The following VAPA variants were observed in gnomAD, a reference collection of about 807,000 sequenced individuals.
VAPA encodes the protein vesicle-associated membrane protein-associated protein A.
VAPA carries 6 observed loss-of-function variants against 25.6 expected under a neutral mutation model. That is an observed-to-expected ratio of 0.23 (90% CI 0.13 to 0.46). The LOEUF (loss-of-function observed/expected upper bound fraction) is 0.46, where lower values mean the gene tolerates loss of function less well. Among genes scored for constraint, VAPA ranks in the 20% least tolerant of loss-of-function variants. The pLI is 0.99. For synonymous variants in VAPA, 112 were observed against 106.2 expected, an observed-to-expected ratio of 1.05 and a Z score of -0.34; for missense variants, 244 against 302.1, an observed-to-expected ratio of 0.81 and a Z score of 1.43.
chr18:9,935,113 A>AC (rs2069295568), intron 2 of VAPA, among the ~76,000 whole-genome samples: 1 of 151,066 alleles, frequency 6.6e-6, no homozygotes, highest in Non-Finnish European at 1.5e-5. Context: ...AAAAAAAAAA[A>AC]CTTAAAAATT....
At chr18:9,930,743 T>C (rs905923538) in intron 1 of VAPA, among the ~76,000 whole-genome samples, 3 of 152,084 alleles carry the variant, frequency 2.0e-5, no homozygotes, top group South Asian at 4.1e-4. Context: ...AATGCTTTCT[T>C]TTCTATAACT....
intron 5 of VAPA, among the ~76,000 whole-genome samples, chr18:9,953,055 A>G (rs1179919904): frequency 1.3e-5 from 2 of 152,262 alleles, no homozygotes; most frequent in Non-Finnish European, 2.9e-5. Context: ...AGATTGGTTA[A>G]CAGACAGAGA....
At position 9,939,853 on chromosome 18, in the gene VAPA, G is replaced by A. The variant is rs910316177; in HGVS notation, c.417+2787G>A. Among the ~76,000 whole-genome samples the A allele has an allele frequency of 9.2e-5, 14 of 152,274 alleles. 1 individual carries two copies. The highest frequency in any genetic ancestry group is 2.6e-4 in the African/African-American group (11 of 41,554). ...TGCACAAAACAGCCTCCACAACAAA[G>A]AATAATCTGGCTTAAAATGTCAGTA... On this transcript the variant is annotated intron_variant, in intron 4 of 5. Transcript: ENST00000400000.
chr18:9,929,316 A>G (rs919137512), intron 1 of VAPA, among the ~76,000 whole-genome samples: 2 of 152,072 alleles, frequency 1.3e-5, no homozygotes, highest in Non-Finnish European at 2.9e-5. Context: ...CCCTGCTCCT[A>G]ATGAAAGGAG....
rs745608415 is a variant in VAPA, at chr18:9,914,316, C to G, written c.60C>G (p.Pro20=). ...KHEQILVLDP[P]TDLKFKGPFT... is the part of the protein sequence containing the mutation. ...AGCAGATCCTGGTCCTCGATCCGCC[C>G]ACAGACCTCAAATTCAAAGGTAGGC... The change falls in exon 1 of 6, where the codon CCC becomes CCG. Residue 20 remains proline (P), a synonymous_variant. Transcript: ENST00000400000. The G allele has an allele frequency of 6.3e-7, 1 of 1,584,778 alleles. No individual in the cohort carries two copies. Among genetic ancestry groups the G allele is most frequent in the African/African-American group, 1.4e-5 (1 of 71,060 alleles).
At chr18:9,930,862 A>G (rs3025603) in intron 1 of VAPA, among the ~76,000 whole-genome samples, 10,635 of 152,082 alleles carry the variant, frequency 0.07, 490 homozygotes, top group African/African-American at 0.14. Context: ...CTACTAACAA[A>G]CTTTAAGCAT....
At chr18:9,926,606 G>A (rs925803007) in intron 1 of VAPA, among the ~76,000 whole-genome samples, 1 of 152,104 alleles carries the variant, frequency 6.6e-6, no homozygotes. Context: ...GTTCCATGGA[G>A]GTGACAGAGG....
chr18:9,956,917 T>C lies in VAPA; in HGVS notation c.*2706T>C, dbSNP rs1387729276. The C allele has an allele frequency of 3.9e-5, 6 of 152,170 alleles. No homozygotes were observed. Among genetic ancestry groups the C allele is most frequent in the South Asian group, 2.1e-4 (1 of 4,832 alleles). The allele number at this position is 152,170 out of a possible 1,614,324, so 9.4% of individuals were successfully genotyped here. A position where few individuals can be genotyped will look rare whatever the true frequency, so the allele number is the denominator to read the frequency against. On this transcript the variant is annotated 3_prime_UTR_variant, in exon 6 of 6. Coordinates refer to ENST00000400000, the MANE Select transcript of VAPA (RefSeq NM_194434.3). ...TGTACCTTAACTTCCCCCATTCTTA[T>C]ATTTACAAGAAGCTAAGTCATTATG...
intron 1 of VAPA, among the ~76,000 whole-genome samples, chr18:9,918,897 T>A (rs1980221267): frequency 6.6e-6 from 1 of 152,204 alleles, no homozygotes; most frequent in Non-Finnish European, 1.5e-5. Context: ...TCTTCCCATA[T>A]TTTTTATTTT....
At chr18:9,926,533 T>C (rs921311727) in intron 1 of VAPA, among the ~76,000 whole-genome samples, 12 of 152,150 alleles carry the variant, frequency 7.9e-5, no homozygotes, top group African/African-American at 2.9e-4. Flanking sequence ...GTGGACATCA[T>C]TGTTCATGGC....
chr18:9,933,868 T>G (rs531537774), intron 2 of VAPA, among the ~76,000 whole-genome samples: 1 of 152,320 alleles, frequency 6.6e-6, no homozygotes, highest in Admixed American at 6.5e-5. Context: ...TCCACATGGC[T>G]AAAAATAGTT....
At chr18:9,933,861 A>G (rs1282535333) in intron 2 of VAPA, among the ~76,000 whole-genome samples, 1 of 152,212 alleles carries the variant, frequency 6.6e-6, no homozygotes, top group African/African-American at 2.4e-5. Context: ...ATTTCAATCC[A>G]CATGGCTAAA....
rs188340474 is a variant in VAPA at position 9,934,181 on chromosome 18, A to G, written c.233-1929A>G. On this transcript the variant is annotated intron_variant, in intron 2 of 5. Coordinates refer to ENST00000400000, the MANE Select transcript of VAPA (RefSeq NM_194434.3). ...CTTCTTCCAACAACCTTCTCTGGTTAATTCTCTGTACTACATGCTCATTTC... is the reference window on the plus strand; with the variant it reads ...CTTCTTCCAACAACCTTCTCTGGTTGATTCTCTGTACTACATGCTCATTTC... 2.6e-5 allele frequency among the ~76,000 whole-genome samples: 4 copies of G among 152,334 alleles called. No individual in the cohort carries two copies. The East Asian group carries it at 7.7e-4, about 29-fold the overall frequency.
intron 5 of VAPA, chr18:9,951,166 T>C (rs2069485697): frequency 6.6e-6 from 1 of 152,356 alleles, no homozygotes; most frequent in African/African-American, 2.4e-5. Flanking sequence ...GAAGCTCACA[T>C]TGTATTTGCG....
chr18:9,930,926 T>C (rs2069247970), intron 1 of VAPA, among the ~76,000 whole-genome samples: 1 of 152,154 alleles, frequency 6.6e-6, no homozygotes. Flanking sequence ...TTTAATGACT[T>C]TGTAAAATTT....
chr18:9,950,117 G>A, intron 4 of VAPA: 1 of 310,046 alleles, frequency 3.2e-6, no homozygotes, highest in Non-Finnish European at 6.0e-6. Context: ...AAGAGAGATG[G>A]CTCTTGCTCT....
chr18:9,950,328 G>A, intron 4 of VAPA, 67 bp from the exon 5 acceptor site: 18 of 1,520,732 alleles, frequency 1.2e-5, no homozygotes, highest in Non-Finnish European at 1.6e-5. Flanking sequence ...AATTTATATT[G>A]TTATTTGTTT....
chr18:9,932,869 G>A (rs2069270060), intron 2 of VAPA, among the ~76,000 whole-genome samples: 1 of 152,128 alleles, frequency 6.6e-6, no homozygotes, highest in Non-Finnish European at 1.5e-5. Flanking sequence ...AGCACTTTGG[G>A]AGGCCGAGGC....
In VAPA at chr18:9,950,717, C is replaced by A. The variant is rs551311206; in HGVS notation, c.591+149C>A. The A allele has an allele frequency of 1.6e-5, 11 of 700,942 alleles. No homozygotes were observed. The Admixed American group carries it at 1.6e-4, about 10-fold the overall frequency. The allele number at this position is 700,942 out of a possible 1,614,324, so 43.4% of individuals were successfully genotyped here. On this transcript the variant is annotated intron_variant, in intron 5 of 5. Coordinates refer to ENST00000400000, the MANE Select transcript of VAPA (RefSeq NM_194434.3). Reference sequence around the variant, plus strand: ...AGTGCCTTTGCTCCCCACCCTACTCCTCTTTTAACAGTCTTCCCGTGGTTT... The same window carrying A: ...AGTGCCTTTGCTCCCCACCCTACTCATCTTTTAACAGTCTTCCCGTGGTTT...
Sources: allele counts gnomAD v4.1 joint callset (sites outside exome capture counted in the v4.1 genomes callset), GRCh38; gene constraint gnomAD v4.1.1; transcripts MANE v1.5; gene names NCBI Gene and HGNC (gene_info 2026-07-23, HGNC 2026-07-21).